SEZ6L: variants seen among roughly 807,000 people sequenced by gnomAD.
SEZ6L encodes seizure 6-like protein.
In SEZ6L, 37 loss-of-function variants were observed where a neutral mutation model predicts 106.2. The ratio of observed to expected loss-of-function variants is 0.35; its 90% CI spans 0.27 to 0.46. SEZ6L has a LOEUF of 0.46. Among genes scored for constraint, SEZ6L ranks in the 20% least tolerant of loss-of-function variants. SEZ6L has a pLI of 1.00. For synonymous variants in SEZ6L, 541 were observed against 570.4 expected (o/e 0.95, Z 0.73); for missense variants, 1,172 against 1,332.8 (o/e 0.88, Z 1.88).
At chr22:26,181,473 G>A (rs1205765519) in intron 1 of SEZ6L, among the ~76,000 whole-genome samples, 2 of 152,182 alleles carry the variant, frequency 1.3e-5, no homozygotes, top group African/African-American at 4.8e-5. Context: ...ATAATTTATG[G>A]CATAAGTAAA....
intron 12 of SEZ6L, among the ~76,000 whole-genome samples, chr22:26,363,679 T>G (rs2083711172): frequency 6.6e-6 from 1 of 152,196 alleles, no homozygotes; most frequent in Non-Finnish European, 1.5e-5. Context: ...ACAGTTTCTG[T>G]GGGTCAGAAA....
chr22:26,316,016 C>T lies in SEZ6L; in HGVS notation c.2015+2114C>T, dbSNP rs117071722. Among the ~76,000 whole-genome samples, 990 of 152,152 alleles carry T rather than the reference C, an allele frequency of 6.5e-3. 20 individuals are homozygous for T. The highest frequency in any genetic ancestry group is 0.059 in the East Asian group (303 of 5,150). On this transcript the variant is annotated intron_variant, in intron 9 of 16. Transcript: ENST00000248933. ...GCTGCAGTGAGCCATGATTGCACCA[C>T]TACTTCAGCCTGGGCAACAGAGTAA...
intron 1 of SEZ6L, among the ~76,000 whole-genome samples, chr22:26,181,709 A>G (rs1939406762): frequency 6.6e-6 from 1 of 152,200 alleles, no homozygotes; most frequent in Non-Finnish European, 1.5e-5. Flanking sequence ...GTGAGGAGTT[A>G]TGAGGTGACT....
At chr22:26,229,781 G>T (rs2078742343) in intron 1 of SEZ6L, among the ~76,000 whole-genome samples, 1 of 152,226 alleles carries the variant, frequency 6.6e-6, no homozygotes, top group Admixed American at 6.5e-5. Flanking sequence ...GTGCAGCCAG[G>T]ACTGGGGACC....
Position 26,293,240 on chromosome 22 carries a change from C to T in SEZ6L, c.835+94C>T, listed in dbSNP as rs185072208. 4.1e-5 allele frequency: 59 copies of T among 1,422,438 alleles called. No individual in the cohort carries two copies. The Admixed American group carries it at 5.3e-4, about 13-fold the overall frequency. The allele number at this position is 1,422,438 out of a possible 1,614,324, so 88.1% of individuals were successfully genotyped here. A position where few individuals can be genotyped will look rare whatever the true frequency, so the allele number is the denominator to read the frequency against. On this transcript the variant is annotated intron_variant, in intron 2 of 16. Coordinates refer to ENST00000248933, the MANE Select transcript of SEZ6L (RefSeq NM_021115.5). ...TGGGTAGAGGAATCTCAAGAAGCCC[C>T]GGCCCCACCATCAGTTACCGTCCAT... is the stretch of plus-strand genomic sequence containing the variant.
At chr22:26,254,112 G>C (rs2079718801) in intron 1 of SEZ6L, 1 of 152,142 alleles carries the variant, frequency 6.6e-6, no homozygotes, top group Admixed American at 6.5e-5. Context: ...AATAACACTT[G>C]GTGTTGGCAA....
chr22:26,304,358 AAAAAAAGAAAGAAG>A (rs1569454231), intron 5 of SEZ6L, among the ~76,000 whole-genome samples: 2 of 117,966 alleles, frequency 1.7e-5, no homozygotes, highest in South Asian at 2.7e-4. Context: ...TCTCAAAAAA[AAAAAAAGAAAGAAG>A]AAAGAAAGAA....
chr22:26,317,007 C>T (rs770289799), intron 9 of SEZ6L, among the ~76,000 whole-genome samples: 3 of 151,832 alleles, frequency 2.0e-5, no homozygotes, highest in African/African-American at 7.3e-5. Flanking sequence ...AATGTCCTAC[C>T]TACATGATGA....
intron 1 of SEZ6L, among the ~76,000 whole-genome samples, chr22:26,245,479 G>C (rs556681627): frequency 1.5e-4 from 23 of 152,200 alleles, no homozygotes; most frequent in African/African-American, 5.5e-4. Flanking sequence ...TCCCCATTTG[G>C]CATGCATTTT....
At position 26,311,949 on chromosome 22, in the gene SEZ6L, G is replaced by T. The variant is rs751537304; in HGVS notation, c.1863G>T (p.Glu621Asp). 4 of 1,613,862 alleles carry T rather than the reference G, an allele frequency of 2.5e-6. No homozygotes were observed. The South Asian group carries it at 4.4e-5, about 18-fold the overall frequency. Residue 621 changes from glutamate to aspartate, a missense_variant, in exon 8 of 17, where the codon GAG becomes GAT. Coordinates refer to ENST00000248933, the MANE Select transcript of SEZ6L (RefSeq NM_021115.5). ...GGGACCCATACTGGAATGACACAGAGCCCCTGTGCAGAGGTGAGCGGATCC... is the reference window on the plus strand; with the variant it reads ...GGGACCCATACTGGAATGACACAGATCCCCTGTGCAGAGGTGAGCGGATCC... Reference protein sequence around the residue: ...NVRDPYWNDTEPLCRAMCGGE... With the variant: ...NVRDPYWNDTDPLCRAMCGGE...
chr22:26,204,321 C>T (rs1941170047), intron 1 of SEZ6L, among the ~76,000 whole-genome samples: 1 of 151,968 alleles, frequency 6.6e-6, no homozygotes, highest in Non-Finnish European at 1.5e-5. Flanking sequence ...GTGATGGGTG[C>T]TTGAAAATAA....
chr22:26,304,514 A>G (rs888871323), intron 5 of SEZ6L, among the ~76,000 whole-genome samples: 2 of 152,218 alleles, frequency 1.3e-5, no homozygotes, highest in African/African-American at 4.8e-5. Context: ...TCTCCTAAGA[A>G]TTAGAGTAAA....
chr22:26,210,625 C>G (rs2078130398), intron 1 of SEZ6L, among the ~76,000 whole-genome samples: 1 of 152,116 alleles, frequency 6.6e-6, no homozygotes, highest in South Asian at 2.1e-4. Context: ...ATTCATATAC[C>G]AGCCTGGCAG....
chr22:26,185,229 A>T (rs531784700), intron 1 of SEZ6L, among the ~76,000 whole-genome samples: 1 of 152,384 alleles, frequency 6.6e-6, no homozygotes, highest in African/African-American at 2.4e-5. Context: ...CTCAAAGAGA[A>T]TGGGAATCCC....
At chr22:26,242,456 C>T (rs1325631432) in intron 1 of SEZ6L, among the ~76,000 whole-genome samples, 3 of 152,140 alleles carry the variant, frequency 2.0e-5, no homozygotes, top group Admixed American at 6.5e-5. Context: ...AGCTCAAGCT[C>T]GTGGCTTGCT....
intron 3 of SEZ6L, among the ~76,000 whole-genome samples, chr22:26,295,659 C>G (rs1484018103): frequency 6.6e-6 from 1 of 151,994 alleles, no homozygotes; most frequent in African/African-American, 2.4e-5. Context: ...AGTATTGGAC[C>G]CAGTATGTGT....
chr22:26,356,691 A>AATG (rs1253997997), intron 12 of SEZ6L, among the ~76,000 whole-genome samples: 1 of 146,810 alleles, frequency 6.8e-6, no homozygotes, highest in Non-Finnish European at 1.5e-5. Flanking sequence ...TAATAATAAT[A>AATG]ATGACAATTG....
chr22:26,173,947 AC>A (rs1569352993), intron 1 of SEZ6L, among the ~76,000 whole-genome samples: 2 of 152,218 alleles, frequency 1.3e-5, no homozygotes, highest in Non-Finnish European at 2.9e-5. Flanking sequence ...AAATGTCATT[AC>A]ATTGGTGATA....
chr22:26,341,550 A>T (rs1304707503), intron 10 of SEZ6L, among the ~76,000 whole-genome samples: 1 of 152,170 alleles, frequency 6.6e-6, no homozygotes, highest in Non-Finnish European at 1.5e-5. Context: ...TGACCGGTTC[A>T]TACTTACAAC....
Sources: gnomAD v4.1 joint callset for allele counts (sites outside exome capture counted in the v4.1 genomes callset) on GRCh38, gnomAD v4.1.1 for gene constraint, MANE v1.5 for transcripts, NCBI Gene and HGNC (gene_info 2026-07-23, HGNC 2026-07-21) for gene names.